The following ROBO2 variants were observed in gnomAD, a reference collection of about 807,000 sequenced individuals.
The protein encoded by ROBO2 is roundabout guidance receptor 2.
ROBO2 carries 53 observed loss-of-function variants against 160.8 expected under a neutral mutation model. The ratio of observed to expected loss-of-function variants is 0.33; its 90% CI spans 0.26 to 0.41. The LOEUF (loss-of-function observed/expected upper bound fraction) is 0.41, where lower values mean the gene tolerates loss of function less well. Among genes scored for constraint, ROBO2 ranks in the 10% least tolerant of loss-of-function variants. ROBO2 has a pLI of 1.00. For synonymous variants in ROBO2, 664 were observed against 611.7 expected (o/e 1.09, Z -1.26); for missense variants, 1,577 against 1,722.4 (o/e 0.92, Z 1.49).
At chr3:77,501,388 A>G (rs536306542) in intron 5 of ROBO2, among the ~76,000 whole-genome samples, 1 of 152,336 alleles carries the variant, frequency 6.6e-6, no homozygotes, top group Admixed American at 6.5e-5. Flanking sequence ...AATCATGCAA[A>G]TAAGTTTTAA....
intron 2 of ROBO2, among the ~76,000 whole-genome samples, chr3:76,086,896 G>T (rs2108066353): frequency 6.6e-6 from 1 of 152,160 alleles, no homozygotes; most frequent in Admixed American, 6.6e-5. Context: ...TAATAGAAAT[G>T]GTGAATGCCT....
At chr3:76,076,578 T>C (rs2068652672) in intron 2 of ROBO2, among the ~76,000 whole-genome samples, 1 of 152,224 alleles carries the variant, frequency 6.6e-6, no homozygotes, top group African/African-American at 2.4e-5. Context: ...AAGTCTTTTA[T>C]GCAAGCTATA....
chr3:76,626,685 A>G (rs2089662064), intron 2 of ROBO2, among the ~76,000 whole-genome samples: 1 of 152,048 alleles, frequency 6.6e-6, no homozygotes, highest in Non-Finnish European at 1.5e-5. Context: ...GTCATTTAGA[A>G]TCTTTTATCT....
At chr3:77,335,945 T>C (rs2066453464) in intron 2 of ROBO2, among the ~76,000 whole-genome samples, 1 of 152,116 alleles carries the variant, frequency 6.6e-6, no homozygotes, top group Non-Finnish European at 1.5e-5. Context: ...AGAAATTAAA[T>C]GTTGAAATTG....
At chr3:77,433,520 T>TATATATATA (rs1560820593) in intron 2 of ROBO2, among the ~76,000 whole-genome samples, 1 of 83,986 alleles carries the variant, frequency 1.2e-5, no homozygotes, top group Non-Finnish European at 2.7e-5. Context: ...ATATATATAT[T>TATATATATA]TCTCCTTCAT....
At chr3:76,038,124 A>G (rs2067173316) in intron 2 of ROBO2, among the ~76,000 whole-genome samples, 2 of 152,044 alleles carry the variant, frequency 1.3e-5, no homozygotes, top group Admixed American at 6.5e-5. Context: ...AAAAAGAAAG[A>G]TTGTTTGGGA....
At chr3:77,046,106 A>G (rs2064638484) in intron 1 of ROBO2, among the ~76,000 whole-genome samples, 1 of 152,194 alleles carries the variant, frequency 6.6e-6, no homozygotes, top group South Asian at 2.1e-4. Context: ...GTCTTCATTT[A>G]ACCTGGGATG....
intron 2 of ROBO2, among the ~76,000 whole-genome samples, chr3:76,662,623 T>C (rs554236348): frequency 2.3e-4 from 35 of 152,252 alleles, no homozygotes; most frequent in African/African-American, 8.4e-4. Flanking sequence ...ATTTCATAAA[T>C]TGCAGAATAT....
rs141014659 is a variant in ROBO2 at position 77,056,293 on chromosome 3, C to T, written c.61+15447C>T. On this transcript the variant is annotated intron_variant, in intron 1 of 25. Coordinates refer to ENST00000461745, the Ensembl canonical transcript of ROBO2. ...TGTGTAAAAACTTGTCCCCCAACCA[C>T]CGTTTGTTAAGGGAGGCAGTATTTA... 1.1e-3 allele frequency among the ~76,000 whole-genome samples: 173 copies of T among 152,282 alleles called. 1 individual carries two copies. The highest frequency in any genetic ancestry group is 1.9e-3 in the Non-Finnish European group (126 of 68,028).
rs191456503 is a variant in ROBO2, at chr3:76,983,244, G to A, written c.110-114770G>A. On this transcript the variant is annotated intron_variant, in intron 2 of 26. Coordinates refer to the ROBO2 transcript ENST00000487694. ...GGAGGTTGCAGTGAGCCAAGATAGC[G>A]CCACTGCACTCCAGGCTGGGTGACA... 1.1e-4 allele frequency among the ~76,000 whole-genome samples: 17 copies of A among 152,024 alleles called. 1 individual carries two copies. In the East Asian group the frequency reaches 2.9e-3, roughly 26 times the overall value.
intron 2 of ROBO2, among the ~76,000 whole-genome samples, chr3:76,514,345 T>C (rs1225914161): frequency 1.3e-5 from 2 of 152,172 alleles, no homozygotes; most frequent in African/African-American, 4.8e-5. Context: ...TCCCCAACTT[T>C]AAGAACTGCT....
chr3:77,045,876 C>T (rs1335936809), intron 1 of ROBO2, among the ~76,000 whole-genome samples: 1 of 152,172 alleles, frequency 6.6e-6, no homozygotes, highest in Non-Finnish European at 1.5e-5. Flanking sequence ...TATATGATGT[C>T]ATTTTGTGAC....
At chr3:75,919,067 A>G (rs971965558) in intron 1 of ROBO2, among the ~76,000 whole-genome samples, 24 of 152,072 alleles carry the variant, frequency 1.6e-4, no homozygotes, top group African/African-American at 5.8e-4. Flanking sequence ...AGAACTTCCA[A>G]TACTATGTTG....
chr3:77,082,681 T>A (rs1011430659), intron 1 of ROBO2, among the ~76,000 whole-genome samples: 1 of 151,104 alleles, frequency 6.6e-6, no homozygotes, highest in Admixed American at 6.6e-5. Context: ...GTACATTTGA[T>A]TCAAATGCTA....
chr3:77,438,402 G>A (rs1318016512), intron 2 of ROBO2, among the ~76,000 whole-genome samples: 2 of 151,732 alleles, frequency 1.3e-5, no homozygotes, highest in African/African-American at 2.4e-5. Context: ...AAATAAATCT[G>A]TATATATTTT....
chr3:76,578,209 A>G (rs1396323035), intron 2 of ROBO2, among the ~76,000 whole-genome samples: 4 of 152,120 alleles, frequency 2.6e-5, no homozygotes, highest in African/African-American at 9.7e-5. Context: ...TCATGGGTGA[A>G]CACCTGGGAC....
chr3:76,425,789 C>T lies in ROBO2; in HGVS notation c.109+488187C>T, dbSNP rs534573149. 5.6e-4 allele frequency among the ~76,000 whole-genome samples: 85 copies of T among 151,616 alleles called. 5 individuals are homozygous for T. In the South Asian group the frequency reaches 0.017, roughly 30 times the overall value. On this transcript the variant is annotated intron_variant, in intron 2 of 26. Coordinates refer to the ROBO2 transcript ENST00000487694. ...GTTGATCAGAACAAAGTTTCCCTCA[C>T]GTGTTCTTTGAAAGCTGCTAGAAGA...
At chr3:76,138,014 A>G (rs554286065) in intron 2 of ROBO2, among the ~76,000 whole-genome samples, 2 of 152,130 alleles carry the variant, frequency 1.3e-5, no homozygotes, top group South Asian at 2.1e-4. Flanking sequence ...GGAGATTAGT[A>G]CTTAGACATC....
At position 77,305,937 on chromosome 3, in the gene ROBO2, A is replaced by G. The variant is rs543400282; in HGVS notation, c.389-171477A>G. 1.1e-3 allele frequency among the ~76,000 whole-genome samples: 168 copies of G among 152,292 alleles called. 5 individuals are homozygous for G. The South Asian group carries it at 0.034, about 31-fold the overall frequency. The stretch of plus-strand genomic sequence containing the variant: ...TTTTATTCTTTTGAAGACTTTCTGT[A>G]ATATATACTGATTTCAGGTAGCTTC... On this transcript the variant is annotated intron_variant, in intron 2 of 25. Coordinates refer to ENST00000461745, the Ensembl canonical transcript of ROBO2.
Sources: allele counts gnomAD v4.1 joint callset (sites outside exome capture counted in the v4.1 genomes callset), GRCh38; gene constraint gnomAD v4.1.1; transcripts MANE v1.5; gene names NCBI Gene and HGNC (gene_info 2026-07-23, HGNC 2026-07-21).